The following TBC1D9B variants were observed in gnomAD, a reference collection of about 807,000 sequenced individuals.
TBC1D9B encodes TBC1 domain family, member 9B (with GRAM domain).
A neutral mutation model predicts 121.1 loss-of-function variants in TBC1D9B; 87 were observed. The ratio of observed to expected loss-of-function variants is 0.72; its 90% CI spans 0.60 to 0.86. The LOEUF is 0.86. TBC1D9B is among the 40% of genes least tolerant of loss of function. The pLI is 0.00. For synonymous variants in TBC1D9B, 668 were observed against 670.1 expected, an observed-to-expected ratio of 1.00 and a Z score of 0.05; for missense variants, 1,540 against 1,628.6, an observed-to-expected ratio of 0.95 and a Z score of 0.94.
chr5:179,888,687 A>G (rs1210542991), intron 6 of TBC1D9B, among the ~76,000 whole-genome samples: 1 of 152,152 alleles, frequency 6.6e-6, no homozygotes, highest in Non-Finnish European at 1.5e-5. Context: ...ACTTTTTGAC[A>G]GCAGGGGTCC....
Position 179,888,325 on chromosome 5 carries a change from A to T in TBC1D9B, c.1045-13T>A. The T allele has an allele frequency of 6.2e-7, 1 of 1,611,488 alleles. No homozygotes were observed. The highest frequency in any genetic ancestry group is 8.5e-7 in the Non-Finnish European group (1 of 1,179,074). ...CGACAATGGTCACCTGAGAAGGTGA[A>T]AGAACTCTTTTGGGTGTCTGCATCT... On this transcript the variant is annotated splice_polypyrimidine_tract_variant and intron_variant, in intron 6 of 20. Transcript: ENST00000355235.
chr5:179,878,306 T>C lies in TBC1D9B; in HGVS notation c.1782+3A>G. The stretch of plus-strand genomic sequence containing the variant: ...GTCTCTGGGCCCCTGTCAGGCCCCT[T>C]ACCTGGCAGTAGCCGATGGTGGGGT... On this transcript the variant is annotated splice_donor_region_variant and intron_variant, in intron 10 of 20. Coordinates refer to ENST00000355235, the MANE Select transcript of TBC1D9B (RefSeq NM_015043.4). 6.2e-7 allele frequency: 1 copy of C among 1,610,428 alleles called. No individual in the cohort carries two copies.
chr5:179,872,778 C>T, intron 14 of TBC1D9B, 114 bp downstream of exon 14: 10 of 991,230 alleles, frequency 1.0e-5, no homozygotes, highest in Non-Finnish European at 1.4e-5. Flanking sequence ...GATGTACATA[C>T]CAAAGCAGTG....
At chr5:179,903,061 G>A (rs780364778) in intron 2 of TBC1D9B, among the ~76,000 whole-genome samples, 5 of 152,252 alleles carry the variant, frequency 3.3e-5, no homozygotes, top group South Asian at 2.1e-4. Flanking sequence ...GGTTCCAGCC[G>A]TGAGGTTGAC....
intron 8 of TBC1D9B, 189 bp downstream of exon 8, chr5:179,879,439 G>C: frequency 9.6e-7 from 1 of 1,040,790 alleles, no homozygotes. Flanking sequence ...ACAGCACACT[G>C]AGCAGGTCAG....
intron 3 of TBC1D9B, among the ~76,000 whole-genome samples, chr5:179,897,480 G>A (rs1582103126): frequency 6.6e-6 from 1 of 152,082 alleles, no homozygotes; most frequent in Admixed American, 6.5e-5. Flanking sequence ...ACCACGCCCA[G>A]CTACTTTTTA....
At chr5:179,884,759 G>C (rs1760630251) in intron 7 of TBC1D9B, among the ~76,000 whole-genome samples, 1 of 152,188 alleles carries the variant, frequency 6.6e-6, no homozygotes, top group Non-Finnish European at 1.5e-5. Context: ...AGGCACAAAA[G>C]GGAAAATACT....
intron 15 of TBC1D9B, among the ~76,000 whole-genome samples, chr5:179,871,183 T>C (rs989578333): frequency 2.6e-5 from 4 of 152,120 alleles, no homozygotes; most frequent in African/African-American, 9.7e-5. Flanking sequence ...GACTTTTCAG[T>C]CTAGCAATAC....
intron 15 of TBC1D9B, among the ~76,000 whole-genome samples, chr5:179,871,250 T>G (rs1388100547): frequency 2.0e-5 from 3 of 152,220 alleles, no homozygotes; most frequent in Non-Finnish European, 4.4e-5. Flanking sequence ...TGCTGCCATT[T>G]AAGAGGTCCT....
chr5:179,904,661 G>A lies in TBC1D9B; in HGVS notation c.229+41C>T. The A allele has an allele frequency of 2.6e-6, 4 of 1,525,052 alleles. No homozygotes were observed. The highest frequency in any genetic ancestry group is 3.6e-6 in the Non-Finnish European group (4 of 1,125,922). The allele number at this position is 1,525,052 out of a possible 1,614,324, so 94.5% of individuals were successfully genotyped here. Reference sequence around the variant, plus strand: ...TCCTCTCGGCAACGGCCCTTCCAGGGCAGGCCCTGCCCAGCACCCCTCACC... The same window carrying A: ...TCCTCTCGGCAACGGCCCTTCCAGGACAGGCCCTGCCCAGCACCCCTCACC... On this transcript the variant is annotated intron_variant, in intron 2 of 20. Coordinates refer to ENST00000355235, the MANE Select transcript of TBC1D9B (RefSeq NM_015043.4). The surrounding 1 kb of genome is among the most constrained non-coding windows in gnomAD (Gnocchi z 4.2).
intron 7 of TBC1D9B, 116 bp downstream of exon 7, chr5:179,887,987 C>A: frequency 7.6e-7 from 1 of 1,315,634 alleles, no homozygotes; most frequent in Non-Finnish European, 1.1e-6. Context: ...CACATCCACC[C>A]CTAGGCGGAG....
rs1034541153 is a variant in TBC1D9B at position 179,872,655 on chromosome 5, G to C, written c.2415+237C>G. ...GCTGGGCATGTGGCTTTCAGGGTGGGAGCCATCTGAGAAGCTTCCCGGTGA... is the reference window on the plus strand; with the variant it reads ...GCTGGGCATGTGGCTTTCAGGGTGGCAGCCATCTGAGAAGCTTCCCGGTGA... On this transcript the variant is annotated intron_variant, in intron 14 of 20. Coordinates refer to ENST00000355235, the MANE Select transcript of TBC1D9B (RefSeq NM_015043.4). The C allele has an allele frequency of 5.5e-6, 3 of 548,462 alleles. No homozygotes were observed. The African/African-American group carries it at 5.7e-5, about 10-fold the overall frequency. The allele number at this position is 548,462 out of a possible 1,614,324, so 34.0% of individuals were successfully genotyped here.
chr5:179,879,025 G>A, intron 9 of TBC1D9B, 22 bp downstream of exon 9: 4 of 1,596,830 alleles, frequency 2.5e-6, no homozygotes, highest in Non-Finnish European at 3.4e-6. Context: ...GCTGAGGCTG[G>A]GGGTGGCTGC....
intron 8 of TBC1D9B, 47 bp downstream of exon 8, chr5:179,879,581 G>C (rs765331594): frequency 1.2e-6 from 2 of 1,612,736 alleles, no homozygotes; most frequent in African/African-American, 1.3e-5. Flanking sequence ...TTCCTCCTGA[G>C]GGCTCCGCTC....
chr5:179,867,021 AC>A (rs1760032716), intron 18 of TBC1D9B: 2 of 186,918 alleles, frequency 1.1e-5, no homozygotes, highest in Admixed American at 1.1e-4. Flanking sequence ...TCTAACAGGC[AC>A]TCAACATGCG....
Position 179,888,238 on chromosome 5 carries a change from C to T in TBC1D9B, c.1119G>A (p.Met373Ile), listed in dbSNP as rs1760749250. The change falls in exon 7 of 21, where the codon ATG becomes ATA. Residue 373 changes from methionine (M) to isoleucine (I), a missense_variant. Physicochemically the swap from Met to Ile is conservative, Grantham distance 10. Transcript: ENST00000355235. ...CTTTCAGGTTGGCAAACAGGAATGT[C>T]ATTTTGCTTTTGGTGCTGATGGACA... Reference protein sequence around the residue: ...SPLSISTKSKMTFLFANLKDR... With the variant: ...SPLSISTKSKITFLFANLKDR... 1.2e-6 allele frequency: 2 copies of T among 1,611,658 alleles called. No individual in the cohort carries two copies. The highest frequency in any genetic ancestry group is 1.3e-5 in the African/African-American group (1 of 74,848).
chr5:179,875,953 T>C lies in TBC1D9B; in HGVS notation c.1867A>G (p.Met623Val), dbSNP rs1287822517. 19 of 1,610,560 alleles carry C rather than the reference T, an allele frequency of 1.2e-5. No individual in the cohort carries two copies. Among genetic ancestry groups the C allele is most frequent in the Admixed American group, 1.7e-5 (1 of 59,658 alleles). ...FWLLVALCERMLPDYYNTRVV... is the reference protein window; with the variant it reads ...FWLLVALCERVLPDYYNTRVV... ...CTGGTGTTGTAGTAGTCGGGCAGCA[T>C]GCGCTCGCACAGGGCCACCAGGAGC... Residue 623 changes from methionine to valine, a missense_variant, in exon 11 of 21, where the codon ATG becomes GTG. Physicochemically the swap from Met to Val is conservative, Grantham distance 21 (BLOSUM62 1). Coordinates refer to ENST00000355235, the MANE Select transcript of TBC1D9B (RefSeq NM_015043.4). This position sits in a 1 kb window ranked among gnomAD's most constrained non-coding sequence, Gnocchi z 4.5.
intron 9 of TBC1D9B, 80 bp downstream of exon 9, chr5:179,878,967 C>T: frequency 6.5e-7 from 1 of 1,533,242 alleles, no homozygotes. Context: ...CAGGCCGGCT[C>T]AGGACAGACG....
intron 14 of TBC1D9B, 44 bp downstream of exon 14, chr5:179,872,848 G>GGCCCCCCCCCCCCCCCCCCCC: frequency 2.2e-5 from 32 of 1,457,168 alleles, no homozygotes; most frequent in African/African-American, 4.5e-5. Context: ...AGGCACTGCT[G>GGCCCCCCCCCCCCCCCCCCCC]CCCCCCCAGC....
Sources: allele counts gnomAD v4.1 joint callset (sites outside exome capture counted in the v4.1 genomes callset), GRCh38; gene constraint gnomAD v4.1.1; non-coding constraint Gnocchi (gnomAD v3.1); transcripts MANE v1.5; gene names NCBI Gene and HGNC (gene_info 2026-07-23, HGNC 2026-07-21).